Variants in HSPA14 observed in about 807,000 individuals in gnomAD.
The protein encoded by HSPA14 is heat shock protein family A (Hsp70) member 14.
Under a neutral mutation model 65.5 loss-of-function variants are expected in HSPA14, and 37 were observed. That is an observed-to-expected ratio of 0.56 (90% CI 0.43 to 0.74). The LOEUF (loss-of-function observed/expected upper bound fraction) is 0.74, where lower values mean the gene tolerates loss of function less well. Ranked by LOEUF, HSPA14 falls within the 30% of genes least tolerant of loss-of-function variation. The probability of loss-of-function intolerance (pLI) is 0.00; values close to 1 mark genes in which losing one functional copy is unlikely to be tolerated. For missense variants in HSPA14, 564 were observed against 607.6 expected, an observed-to-expected ratio of 0.93 and a Z score of 0.75; for synonymous variants, 203 against 214.2, an observed-to-expected ratio of 0.95 and a Z score of 0.46.
At chr10:14,855,003 G>T (rs1012426704) in intron 9 of HSPA14, among the ~76,000 whole-genome samples, 1 of 152,172 alleles carries the variant, frequency 6.6e-6, no homozygotes, top group African/African-American at 2.4e-5. Context: ...GATAGAAAAG[G>T]CATTGCATTG....
Position 14,841,835 on chromosome 10 carries a change from G to A in HSPA14, c.221+1678G>A, listed in dbSNP as rs549384804. Among the ~76,000 whole-genome samples, 164 of 152,298 alleles carry A rather than the reference G, an allele frequency of 1.1e-3. 1 individual carries two copies. Among genetic ancestry groups the A allele is most frequent in the Non-Finnish European group, 1.8e-3 (121 of 68,030 alleles). ...GTGGTCATGCTTGGACTCCTTTAGC[G>A]TTAGCTGCCTCATGGTCCAGGTGAT... On this transcript the variant is annotated intron_variant, in intron 3 of 13. Transcript: ENST00000378372.
chr10:14,855,905 T>C lies in HSPA14; in HGVS notation c.955T>C (p.Leu319=), dbSNP rs767833334. The change falls in exon 10 of 14, where the codon TTA becomes CTA. Residue 319 remains leucine, a synonymous_variant. Coordinates refer to ENST00000378372, the MANE Select transcript of HSPA14 (RefSeq NM_016299.4). ...NKCIEAIRGL[L]DQNGFTADDI... ...GTGTATAGAAGCAATCAGAGGACTC[T>C]TAGATCAAAATGGATTTACAGCAGA... is the stretch of plus-strand genomic sequence containing the variant. The C allele has an allele frequency of 1.2e-6, 2 of 1,607,198 alleles. No individual in the cohort carries two copies. Among genetic ancestry groups the C allele is most frequent in the Non-Finnish European group, 1.7e-6 (2 of 1,174,070 alleles).
intron 1 of HSPA14, 114 bp downstream of exon 1, chr10:14,838,573 G>A: frequency 1.9e-6 from 2 of 1,059,546 alleles, no homozygotes; most frequent in Non-Finnish European, 2.7e-6. Context: ...GTCGTGGAGT[G>A]GCGTTGCCGC....
rs912939084 is a variant in HSPA14 at position 14,845,598 on chromosome 10, A to T, written c.222-3011A>T. The T allele has an allele frequency of 1.4e-3, 998 of 704,984 alleles. 1 individual carries two copies. The highest frequency in any genetic ancestry group is 5.7e-3 in the African/African-American group (282 of 49,076). 43.7% of individuals were successfully genotyped at this position (704,984 alleles called of 1,614,324 possible). A position where few individuals can be genotyped will look rare whatever the true frequency, so the allele number is the denominator to read the frequency against. On this transcript the variant is annotated intron_variant, in intron 3 of 13. Transcript: ENST00000378372. ...TCACTTGCCCTTTTCTATTATTATT[A>T]TTTTTTTTTTTTTGAGAAAAAGTCT... is the stretch of plus-strand genomic sequence containing the variant.
chr10:14,864,418 G>A (rs1832786861), intron 10 of HSPA14, among the ~76,000 whole-genome samples: 1 of 151,696 alleles, frequency 6.6e-6, no homozygotes, highest in Admixed American at 6.6e-5. Context: ...TGCCATGTTG[G>A]TGTGCTCCAC....
rs997643741 is a variant in HSPA14 at position 14,844,283 on chromosome 10, G to T, written c.221+4126G>T. The T allele has an allele frequency of 8.4e-6, 9 of 1,076,076 alleles. No individual in the cohort carries two copies. In the African/African-American group the frequency reaches 1.0e-4, roughly 12 times the overall value. 66.7% of individuals were successfully genotyped at this position (1,076,076 alleles called of 1,614,324 possible). A position where few individuals can be genotyped will look rare whatever the true frequency, so the allele number is the denominator to read the frequency against. ...TCACGTAGTTCATAGATGTGAAAGG[G>T]TTTAAAAGTTTAAAAGCACTGTACA... is the stretch of plus-strand genomic sequence containing the variant. On this transcript the variant is annotated intron_variant, in intron 3 of 13. Transcript: ENST00000378372.
intron 12 of HSPA14, among the ~76,000 whole-genome samples, chr10:14,869,273 A>G (rs1195090766): frequency 6.7e-6 from 1 of 150,350 alleles, no homozygotes; most frequent in African/African-American, 2.5e-5. Flanking sequence ...GTAAAGAGAT[A>G]CATATCTTTA....
chr10:14,838,819 G>C (rs1157995641), intron 1 of HSPA14, among the ~76,000 whole-genome samples: 1 of 152,148 alleles, frequency 6.6e-6, no homozygotes, highest in Non-Finnish European at 1.5e-5. Context: ...GGGACGGCGG[G>C]GCTGCGAGCA....
At chr10:14,855,244 T>G (rs953360314) in intron 9 of HSPA14, among the ~76,000 whole-genome samples, 5 of 152,220 alleles carry the variant, frequency 3.3e-5, no homozygotes, top group African/African-American at 1.2e-4. Context: ...GATAACATTA[T>G]TTTTTAAGCC....
intron 12 of HSPA14, 135 bp downstream of exon 12, chr10:14,868,044 C>T: frequency 1.5e-6 from 1 of 688,510 alleles, no homozygotes; most frequent in Non-Finnish European, 2.3e-6. Flanking sequence ...TTTATGAAGG[C>T]TCATTTCTGA....
chr10:14,849,838 G>C (rs1253737459), intron 6 of HSPA14, 27 bp downstream of exon 6: 1 of 1,396,318 alleles, frequency 7.2e-7, no homozygotes, highest in Non-Finnish European at 1.0e-6. Flanking sequence ...TATCTTACTG[G>C]CTTAATTAAA....
chr10:14,842,989 T>C lies in HSPA14; in HGVS notation c.221+2832T>C. On this transcript the variant is annotated intron_variant, in intron 3 of 13. Coordinates refer to ENST00000378372, the MANE Select transcript of HSPA14 (RefSeq NM_016299.4). This position sits in a 1 kb window ranked among gnomAD's most constrained non-coding sequence, Gnocchi z 5.2. ...CCCACGCACCTTTTCAAAAACCTAA[T>C]AGTAAGCTAAAGGGTTCCAGGTTTT... 4 of 710,296 alleles carry C rather than the reference T, an allele frequency of 5.6e-6. No individual in the cohort carries two copies. In the South Asian group the frequency reaches 5.9e-5, roughly 10 times the overall value. 44.0% of individuals were successfully genotyped at this position (710,296 alleles called of 1,614,324 possible). A position where few individuals can be genotyped will look rare whatever the true frequency, so the allele number is the denominator to read the frequency against.
At chr10:14,848,385 C>T (rs943830873) in intron 3 of HSPA14, among the ~76,000 whole-genome samples, 8 of 152,180 alleles carry the variant, frequency 5.3e-5, no homozygotes, top group African/African-American at 9.7e-5. Context: ...TATTTATTTT[C>T]AAATGCAAAG....
At chr10:14,856,733 T>C (rs569009009) in intron 10 of HSPA14, among the ~76,000 whole-genome samples, 26 of 152,146 alleles carry the variant, frequency 1.7e-4, no homozygotes, top group South Asian at 4.1e-4. Flanking sequence ...ATGATGTGCG[T>C]CTGTGGTCTC....
Position 14,848,669 on chromosome 10 carries a change from T to C in HSPA14, c.270+12T>C. The C allele has an allele frequency of 6.4e-7, 1 of 1,559,002 alleles. No homozygotes were observed. The highest frequency in any genetic ancestry group is 1.1e-5 in the South Asian group (1 of 89,192). On this transcript the variant is annotated intron_variant, in intron 4 of 13. Coordinates refer to ENST00000378372, the MANE Select transcript of HSPA14 (RefSeq NM_016299.4). ...AAAGTAAATGTTTAGTGAGTATGGT[T>C]CTGTTATTGCTTCCCTGTTACATAG...
chr10:14,847,725 AAATAG>A (rs1834071781), intron 3 of HSPA14, among the ~76,000 whole-genome samples: 1 of 152,244 alleles, frequency 6.6e-6, no homozygotes, highest in African/African-American at 2.4e-5. Flanking sequence ...CTTATTAAAC[AAATAG>A]AATAGTCACA....
chr10:14,843,414 T>C, intron 3 of HSPA14: 1 of 1,550,866 alleles, frequency 6.4e-7, no homozygotes, highest in Non-Finnish European at 8.7e-7. Flanking sequence ...CCCACAGCCT[T>C]TTCAGAGGTG....
chr10:14,861,864 T>C (rs1189571750), intron 10 of HSPA14, among the ~76,000 whole-genome samples: 2 of 151,402 alleles, frequency 1.3e-5, no homozygotes, highest in East Asian at 2.0e-4. Context: ...CTACACAAAT[T>C]AGCTGGGCGT....
intron 10 of HSPA14, among the ~76,000 whole-genome samples, 187 bp downstream of exon 10, chr10:14,856,130 G>C (rs1832691021): frequency 6.6e-6 from 1 of 152,144 alleles, no homozygotes; most frequent in African/African-American, 2.4e-5. Context: ...TATATATTCA[G>C]TTTCCTAGCA....
Sources: allele counts gnomAD v4.1 joint callset (sites outside exome capture counted in the v4.1 genomes callset), GRCh38; gene constraint gnomAD v4.1.1; non-coding constraint Gnocchi (gnomAD v3.1); transcripts MANE v1.5; gene names NCBI Gene and HGNC (gene_info 2026-07-23, HGNC 2026-07-21).